The following SLC5A8 variants were observed in gnomAD, a reference collection of about 807,000 sequenced individuals.
SLC5A8 encodes solute carrier family 5 member 8, also known as sodium-coupled monocarboxylate transporter 1.
In SLC5A8, 55 loss-of-function variants were observed where a neutral mutation model predicts 71.9. The ratio of observed to expected loss-of-function variants is 0.77; its 90% CI spans 0.62 to 0.96. The LOEUF is 0.96. Among genes scored for constraint, SLC5A8 ranks in the 40% least tolerant of loss-of-function variants. The pLI, the probability that SLC5A8 is intolerant of heterozygous loss-of-function variation, is 0.00. For missense variants in SLC5A8, 701 were observed against 745.3 expected, an observed-to-expected ratio of 0.94 and a Z score of 0.69; for synonymous variants, 307 against 276.1, an observed-to-expected ratio of 1.11 and a Z score of -1.11.
Position 101,187,472 on chromosome 12 carries a change from A to G in SLC5A8, c.877T>C (p.Cys293Arg), listed in dbSNP as rs1414732124. 5 of 1,613,896 alleles carry G rather than the reference A, an allele frequency of 3.1e-6. No individual in the cohort carries two copies. The highest frequency in any genetic ancestry group is 3.4e-6 in the Non-Finnish European group (4 of 1,179,954). The change falls in exon 7 of 15, where the codon TGC (cysteine) becomes CGC (arginine). Residue 293 changes from cysteine (C) to arginine (R), a missense_variant. Transcript: ENST00000536262. ...AGGGCGAGCCCACAAAACACTGAGC[A>G]TGTGAGGATTGCCCAGAGTCCCACA... Reference protein sequence around the residue: ...NLVGLWAILTCSVFCGLALYS... With the variant: ...NLVGLWAILTRSVFCGLALYS...
At chr12:101,207,915 G>A (rs919164707) in intron 1 of SLC5A8, among the ~76,000 whole-genome samples, 4 of 152,018 alleles carry the variant, frequency 2.6e-5, no homozygotes, top group African/African-American at 7.2e-5. Flanking sequence ...CAAAAAAACA[G>A]TAACCATGAA....
At chr12:101,157,422 G>C in intron 14 of SLC5A8, 21 bp from the exon 15 acceptor site, 1 of 1,558,514 alleles carries the variant, frequency 6.4e-7, no homozygotes, top group Non-Finnish European at 8.7e-7. Flanking sequence ...ATGTTAACAT[G>C]GTGATTAGGG....
chr12:101,187,337 G>T lies in SLC5A8; in HGVS notation c.963+49C>A, dbSNP rs760968354. On this transcript the variant is annotated intron_variant, in intron 7 of 14. Transcript: ENST00000536262. Reference sequence around the variant, plus strand: ...AATGCTCTTTCCTCTCAACTAATAAGCTTTTTGAATATTATTAATACACCT... The same window carrying T: ...AATGCTCTTTCCTCTCAACTAATAATCTTTTTGAATATTATTAATACACCT... 7 of 1,560,142 alleles carry T rather than the reference G, an allele frequency of 4.5e-6. No homozygotes were observed. In the Admixed American group the frequency reaches 1.3e-4, roughly 29 times the overall value.
chr12:101,166,630 G>T lies in SLC5A8; in HGVS notation c.1390C>A (p.Pro464Thr). 6.2e-7 allele frequency: 1 copy of T among 1,613,784 alleles called. No individual in the cohort carries two copies. The highest frequency in any genetic ancestry group is 2.2e-5 in the East Asian group (1 of 44,852). The change falls in exon 12 of 15, where the codon CCT becomes ACT. Residue 464 changes from proline (P) to threonine (T), a missense_variant. Physicochemically the swap from Pro to Thr is conservative, Grantham distance 38. Transcript: ENST00000536262. ...GGCAATGTTCTCTCAGGAAGTGGAGGATATATTTGAGCTCCAATTCCAACC... is the reference window on the plus strand; with the variant it reads ...GGCAATGTTCTCTCAGGAAGTGGAGTATATATTTGAGCTCCAATTCCAACC... ...LWVGIGAQIY[P>T]PLPERTLPLH...
chr12:101,174,306 G>C (rs1271895889), intron 10 of SLC5A8, among the ~76,000 whole-genome samples: 2 of 152,188 alleles, frequency 1.3e-5, no homozygotes, highest in Non-Finnish European at 2.9e-5. Context: ...TCAAAGATGA[G>C]TCTTAGGCAC....
chr12:101,184,687 T>C (rs1868545509), intron 7 of SLC5A8, among the ~76,000 whole-genome samples: 1 of 152,176 alleles, frequency 6.6e-6, no homozygotes, highest in African/African-American at 2.4e-5. Flanking sequence ...TTAACTTTAC[T>C]TGATGACTCA....
rs756553704 is a variant in SLC5A8 at position 101,202,180 on chromosome 12, G to A, written c.453C>T (p.Ala151=). Residue 151 remains alanine (A), a synonymous_variant, in exon 3 of 15, where the codon GCC becomes GCT. Coordinates refer to ENST00000536262, the MANE Select transcript of SLC5A8 (RefSeq NM_145913.5). Reference sequence around the variant, plus strand: ...AAAATGTACCTTGATTCAAAGCCAGGGCAGGGGCATAAATAACAATTCCAG... The same window carrying A: ...AAAATGTACCTTGATTCAAAGCCAGAGCAGGGGCATAAATAACAATTCCAG... ...LYTGIVIYAP[A]LALNQVTGFD... 1 of 1,608,034 alleles carries A rather than the reference G, an allele frequency of 6.2e-7. No homozygotes were observed. The highest frequency in any genetic ancestry group is 1.1e-5 in the South Asian group (1 of 90,778).
chr12:101,197,010 A>T (rs1271225002), intron 3 of SLC5A8, among the ~76,000 whole-genome samples: 1 of 152,240 alleles, frequency 6.6e-6, no homozygotes, highest in Non-Finnish European at 1.5e-5. Flanking sequence ...CTGGATAAAA[A>T]TGGGACAATT....
At chr12:101,171,350 G>A (rs972256193) in intron 10 of SLC5A8, among the ~76,000 whole-genome samples, 3 of 152,072 alleles carry the variant, frequency 2.0e-5, no homozygotes, top group African/African-American at 7.2e-5. Context: ...TGCTTGAGTG[G>A]CCTTATGCCT....
At chr12:101,183,102 A>G (rs1243971881) in intron 8 of SLC5A8, among the ~76,000 whole-genome samples, 187 bp from the exon 9 acceptor site, 1 of 126,282 alleles carries the variant, frequency 7.9e-6, no homozygotes, top group Non-Finnish European at 1.6e-5. Context: ...CTGGAGTGCA[A>G]TGGCATGATC....
Position 101,166,601 on chromosome 12 carries a change from C to A in SLC5A8, c.1419G>T (p.Leu473Phe), listed in dbSNP as rs748990859. The A allele has an allele frequency of 3.1e-6, 5 of 1,613,960 alleles. No individual in the cohort carries two copies. Among genetic ancestry groups the A allele is most frequent in the Non-Finnish European group, 4.2e-6 (5 of 1,179,954 alleles). Residue 473 changes from leucine to phenylalanine, a missense_variant, in exon 12 of 15, where the codon TTG (leucine) becomes TTT (phenylalanine). Leu to Phe is a conservative substitution (Grantham distance 22). Transcript: ENST00000536262. ...TGTTACAGCCTTGGATATCAAGGTG[C>A]AATGGCAATGTTCTCTCAGGAAGTG... The part of the protein sequence containing the change: ...YPPLPERTLP[L>F]HLDIQGCNST...
intron 4 of SLC5A8, 113 bp downstream of exon 4, chr12:101,194,982 T>C (rs897349551): frequency 5.4e-6 from 5 of 932,726 alleles, no homozygotes; most frequent in East Asian, 2.6e-5. Flanking sequence ...TGCAGGAGGT[T>C]GGGAATAGGA....
chr12:101,159,987 G>C (rs2051709361), intron 13 of SLC5A8, among the ~76,000 whole-genome samples: 1 of 152,314 alleles, frequency 6.6e-6, no homozygotes, highest in Admixed American at 6.5e-5. Flanking sequence ...TTCGAGACCA[G>C]CCTGGCCAAT....
chr12:101,161,274 A>T (rs1200405287), intron 13 of SLC5A8, among the ~76,000 whole-genome samples: 1 of 152,162 alleles, frequency 6.6e-6, no homozygotes, highest in Non-Finnish European at 1.5e-5. Flanking sequence ...GTTTCATTCA[A>T]TTAAGGGAGT....
chr12:101,177,276 T>TAA (rs35269919), intron 10 of SLC5A8, among the ~76,000 whole-genome samples: 72 of 151,676 alleles, frequency 4.7e-4, no homozygotes, highest in Non-Finnish European at 9.0e-4. Flanking sequence ...ATTTTGAAAC[T>TAA]AAAAAAAATC....
intron 5 of SLC5A8, among the ~76,000 whole-genome samples, chr12:101,192,971 C>CTTTTTTTTTTTTT (rs35246165): frequency 7.9e-6 from 1 of 125,952 alleles, no homozygotes. Flanking sequence ...TACCTTTTCT[C>CTTTTTTTTTTTTT]TTTTTTTTTT....
intron 10 of SLC5A8, among the ~76,000 whole-genome samples, chr12:101,172,281 C>T (rs368720657): frequency 6.6e-6 from 1 of 151,408 alleles, no homozygotes; most frequent in Non-Finnish European, 1.5e-5. Context: ...GTGGGTGGGA[C>T]AGTCCAGGTG....
In SLC5A8 at chr12:101,210,149, G is replaced by A; in HGVS notation, c.-301C>T. 2.6e-6 allele frequency: 1 copy of A among 379,166 alleles called. No homozygotes were observed. The highest frequency in any genetic ancestry group is 4.7e-6 in the Non-Finnish European group (1 of 214,510). 23.5% of individuals were successfully genotyped at this position (379,166 alleles called of 1,614,324 possible). On this transcript the variant is annotated 5_prime_UTR_variant, in exon 1 of 15. Coordinates refer to ENST00000536262, the MANE Select transcript of SLC5A8 (RefSeq NM_145913.5). ...GAACTGGAGTGGCCGAGTTCGCCAAGGCGCCGGGGACACCTGAGCAGATGA... is the reference window on the plus strand; with the variant it reads ...GAACTGGAGTGGCCGAGTTCGCCAAAGCGCCGGGGACACCTGAGCAGATGA...
At chr12:101,202,396 T>C (rs1246476965) in intron 2 of SLC5A8, among the ~76,000 whole-genome samples, 181 bp from the exon 3 acceptor site, 1 of 152,240 alleles carries the variant, frequency 6.6e-6, no homozygotes, top group Non-Finnish European at 1.5e-5. Flanking sequence ...TTGACTCTTC[T>C]GTTTACGGTA....
Sources: allele counts gnomAD v4.1 joint callset (sites outside exome capture counted in the v4.1 genomes callset), GRCh38; gene constraint gnomAD v4.1.1; transcripts MANE v1.5; gene names NCBI Gene and HGNC (gene_info 2026-07-23, HGNC 2026-07-21).